FAT2: variants seen among roughly 807,000 people sequenced by gnomAD.
FAT2 encodes FAT atypical cadherin 2, also known as protocadherin Fat 2.
In FAT2, 150 loss-of-function variants were observed where a neutral mutation model predicts 295.3. The observed-to-expected ratio is 0.51, with a 90% CI of 0.44 to 0.58. The LOEUF is 0.58. Among genes scored for constraint, FAT2 ranks in the 20% least tolerant of loss-of-function variants. The pLI is 0.00. For missense variants in FAT2, 4,868 were observed against 5,442.7 expected, an observed-to-expected ratio of 0.89 and a Z score of 3.32; for synonymous variants, 2,026 against 2,150.3, an observed-to-expected ratio of 0.94 and a Z score of 1.60.
chr5:151,588,358 T>G (rs1172450241), intron 1 of FAT2, among the ~76,000 whole-genome samples: 1 of 152,162 alleles, frequency 6.6e-6, no homozygotes, highest in Non-Finnish European at 1.5e-5. Context: ...CAGAGGCAAG[T>G]CCAAGTTCTG....
At chr5:151,586,272 C>A (rs752453440) in intron 1 of FAT2, among the ~76,000 whole-genome samples, 1 of 152,228 alleles carries the variant, frequency 6.6e-6, no homozygotes, top group African/African-American at 2.4e-5. Context: ...CCAACTGCTG[C>A]GGGCACTGGA....
intron 4 of FAT2, among the ~76,000 whole-genome samples, chr5:151,556,057 C>T (rs559248305): frequency 7.2e-5 from 11 of 152,256 alleles, no homozygotes; most frequent in African/African-American, 2.2e-4. Flanking sequence ...GGACTGGACT[C>T]GGTAAGTACA....
At chr5:151,556,931 C>T (rs1419454392) in intron 3 of FAT2, among the ~76,000 whole-genome samples, 1 of 152,066 alleles carries the variant, frequency 6.6e-6, no homozygotes, top group Non-Finnish European at 1.5e-5. Flanking sequence ...AAATGAAACT[C>T]GGGGGAAAGC....
chr5:151,569,881 G>A (rs778385843), intron 1 of FAT2, among the ~76,000 whole-genome samples: 3 of 152,244 alleles, frequency 2.0e-5, no homozygotes, highest in Non-Finnish European at 4.4e-5. Flanking sequence ...GATCCCAGGC[G>A]TGGCATCAGG....
intron 6 of FAT2, 65 bp downstream of exon 6, chr5:151,553,112 A>G (rs1757367368): frequency 1.3e-6 from 2 of 1,518,420 alleles, no homozygotes; most frequent in Admixed American, 1.7e-5. Flanking sequence ...TGTAGCAGGA[A>G]AACTAGAGCT....
intron 4 of FAT2, among the ~76,000 whole-genome samples, chr5:151,556,050 C>G (rs1235334566): frequency 6.6e-6 from 1 of 152,204 alleles, no homozygotes; most frequent in African/African-American, 2.4e-5. Context: ...GAGGGATGGA[C>G]TGGACTCGGT....
intron 18 of FAT2, among the ~76,000 whole-genome samples, chr5:151,523,788 A>G (rs1008081135): frequency 6.6e-6 from 1 of 152,092 alleles, no homozygotes; most frequent in African/African-American, 2.4e-5. Context: ...CTCTGCTTGG[A>G]TGTCTCACAA....
chr5:151,512,350 T>G lies in FAT2; in HGVS notation c.11720A>C (p.Gln3907Pro). ...AGCATCCAGGCAGCCTTCAAAGCCC[T>G]GGGAGACATTCGAGGAAGAATGCAA... The part of the protein sequence containing the change: ...ILLHSSSNVS[Q>P]GFEGCLDAVV... Residue 3907 changes from glutamine (Q) to proline (P), a missense_variant, in exon 21 of 24, where the codon CAG becomes CCG. Transcript: ENST00000261800. This position sits in a 1 kb window ranked among gnomAD's most constrained non-coding sequence, Gnocchi z 4.1. The G allele has an allele frequency of 6.2e-7, 1 of 1,614,188 alleles. No individual in the cohort carries two copies. Among genetic ancestry groups the G allele is most frequent in the Admixed American group, 1.7e-5 (1 of 60,022 alleles).
intron 5 of FAT2, among the ~76,000 whole-genome samples, chr5:151,553,966 T>C (rs547644553): frequency 1.1e-4 from 16 of 152,234 alleles, no homozygotes; most frequent in Admixed American, 9.8e-4. Flanking sequence ...GCTAGCTACC[T>C]GATATATTGG....
At chr5:151,557,802 G>A (rs1310549674) in intron 3 of FAT2, among the ~76,000 whole-genome samples, 1 of 152,190 alleles carries the variant, frequency 6.6e-6, no homozygotes, top group East Asian at 1.9e-4. Context: ...GATAGGAATG[G>A]GTTAGGGGTC....
intron 1 of FAT2, among the ~76,000 whole-genome samples, chr5:151,575,262 A>T (rs1758699854): frequency 6.6e-6 from 1 of 152,212 alleles, no homozygotes; most frequent in African/African-American, 2.4e-5. Context: ...GACAAAAATT[A>T]TTCTGTCTTA....
In FAT2 at chr5:151,534,970, AATATATATATATAT is replaced by A. The variant is rs138459865; in HGVS notation, c.9194-342_9194-329del. ...TGGTTCGTAATTCCACTTCTAGGAA[AATATATATATATAT>A]ATATATATATATGTATACATTTTCT... On this transcript the variant is annotated intron_variant, in intron 12 of 23. Coordinates refer to ENST00000261800, the MANE Select transcript of FAT2 (RefSeq NM_001447.3). Among the ~76,000 whole-genome samples the A allele has an allele frequency of 4.4e-3, 471 of 106,420 alleles. 7 individuals carry two copies. The highest frequency in any genetic ancestry group is 0.012 in the African/African-American group (389 of 33,112). The allele number at this position is 106,420 out of a possible 152,430, so 69.8% of individuals were successfully genotyped here.
In FAT2 at chr5:151,563,738, G is replaced by T. The variant is rs1581444862; in HGVS notation, c.3260-99C>A. 3 of 906,302 alleles carry T rather than the reference G, an allele frequency of 3.3e-6. No individual in the cohort carries two copies. The East Asian group carries it at 7.7e-5, about 23-fold the overall frequency. 56.1% of individuals were successfully genotyped at this position (906,302 alleles called of 1,614,324 possible). A position where few individuals can be genotyped will look rare whatever the true frequency, so the allele number is the denominator to read the frequency against. On this transcript the variant is annotated intron_variant, in intron 2 of 23. Transcript: ENST00000261800. ...ATTCCCCAAACCGCACTGTGGAAAG[G>T]GTATTAATAAGTAGATTTTCTATGA...
At position 151,554,541 on chromosome 5, in the gene FAT2, T is replaced by G. The variant is rs1757517452; in HGVS notation, c.3766A>C (p.Ser1256Arg). 1.9e-6 allele frequency: 3 copies of G among 1,614,190 alleles called. No homozygotes were observed. The East Asian group carries it at 6.7e-5, about 36-fold the overall frequency. Residue 1256 changes from serine (S) to arginine (R), a missense_variant, in exon 5 of 24, where the codon AGC (serine) becomes CGC (arginine). Ser to Arg is a moderately radical substitution (Grantham distance 110). Coordinates refer to ENST00000261800, the MANE Select transcript of FAT2 (RefSeq NM_001447.3). ...TACACAGGCCCAGGGGACACAGGGC[T>G]CAGCCTCTCTGGAAGGCGGACATTG... ...LFNVRLPERL[S>R]PVSPGPVYRL...
chr5:151,576,299 A>G (rs149547639), intron 1 of FAT2, among the ~76,000 whole-genome samples: 1 of 152,360 alleles, frequency 6.6e-6, no homozygotes, highest in East Asian at 1.9e-4. Context: ...TAGAGAAGGA[A>G]GGGAATGATC....
intron 13 of FAT2, among the ~76,000 whole-genome samples, chr5:151,532,848 C>T (rs925294052): frequency 6.6e-5 from 10 of 152,296 alleles, no homozygotes; most frequent in African/African-American, 1.7e-4. Flanking sequence ...CTCCCACACA[C>T]GTGGAACACA....
At chr5:151,563,269 A>G in intron 3 of FAT2, 56 bp downstream of exon 3, 1 of 1,535,964 alleles carries the variant, frequency 6.5e-7, no homozygotes, top group South Asian at 1.2e-5. Flanking sequence ...TTGGGCCCAC[A>G]ATTTGAGAAC....
chr5:151,582,980 A>C (rs77304049), intron 1 of FAT2, among the ~76,000 whole-genome samples: 143 of 152,264 alleles, frequency 9.4e-4, no homozygotes, highest in East Asian at 8.7e-3. Context: ...ATCACCTGGA[A>C]GTCTCTGAGC....
In FAT2 at chr5:151,512,656, A is replaced by T. The variant is rs1761411209; in HGVS notation, c.11464-50T>A. Reference sequence around the variant, plus strand: ...TCAGCAAAGCCAAGGAGTCCTTGTAAACCTGCTAAGAGGCTGCCAGTTCAA... The same window carrying T: ...TCAGCAAAGCCAAGGAGTCCTTGTATACCTGCTAAGAGGCTGCCAGTTCAA... On this transcript the variant is annotated intron_variant, in intron 20 of 23. Coordinates refer to ENST00000261800, the MANE Select transcript of FAT2 (RefSeq NM_001447.3). This position sits in a 1 kb window ranked among gnomAD's most constrained non-coding sequence, Gnocchi z 4.1. 1.3e-6 allele frequency: 2 copies of T among 1,489,550 alleles called. No homozygotes were observed. The highest frequency in any genetic ancestry group is 1.3e-5 in the South Asian group (1 of 78,252). 92.3% of individuals were successfully genotyped at this position (1,489,550 alleles called of 1,614,324 possible). A position where few individuals can be genotyped will look rare whatever the true frequency, so the allele number is the denominator to read the frequency against.
Sources: allele counts gnomAD v4.1 joint callset (sites outside exome capture counted in the v4.1 genomes callset), GRCh38; gene constraint gnomAD v4.1.1; non-coding constraint Gnocchi (gnomAD v3.1); transcripts MANE v1.5; gene names NCBI Gene and HGNC (gene_info 2026-07-23, HGNC 2026-07-21).